Variants in FRMD3 observed in about 807,000 individuals in gnomAD.
FRMD3 encodes the protein FERM domain-containing protein 3.
Under a neutral mutation model 70.2 loss-of-function variants are expected in FRMD3, and 33 were observed. The ratio of observed to expected loss-of-function variants is 0.47; its 90% CI spans 0.36 to 0.63. The LOEUF (loss-of-function observed/expected upper bound fraction) is 0.63. Among genes scored for constraint, FRMD3 ranks in the 20% least tolerant of loss-of-function variants. The probability of loss-of-function intolerance (pLI) is 0.00; values close to 1 mark genes in which losing one functional copy is unlikely to be tolerated. For synonymous variants in FRMD3, 279 were observed against 255.9 expected, an observed-to-expected ratio of 1.09 and a Z score of -0.86; for missense variants, 632 against 711.4, an observed-to-expected ratio of 0.89 and a Z score of 1.27.
the FRMD3 span, among the ~76,000 whole-genome samples, chr9:83,548,788 T>C: frequency 6.6e-6 from 1 of 152,108 alleles, no homozygotes; most frequent in Admixed American, 6.6e-5. Context: ...ACCACACTAA[T>C]GCAAGGTGTT....
chr9:83,342,856 C>T (rs528766173), intron 5 of FRMD3, among the ~76,000 whole-genome samples: 1 of 152,310 alleles, frequency 6.6e-6, no homozygotes, highest in Admixed American at 6.5e-5. Context: ...GAACTGAGAA[C>T]ATACAATACC....
chr9:83,581,656 T>C, the FRMD3 span, among the ~76,000 whole-genome samples: 1 of 152,306 alleles, frequency 6.6e-6, no homozygotes, highest in Non-Finnish European at 1.5e-5. Context: ...AAAATTTGTA[T>C]ACAAATGTTC....
intron 1 of FRMD3, among the ~76,000 whole-genome samples, chr9:83,499,330 T>G (rs1031153160): frequency 7.2e-5 from 11 of 152,070 alleles, no homozygotes; most frequent in African/African-American, 2.4e-4. Flanking sequence ...GGAGAGGCTG[T>G]AGAAAAAAGA....
rs139571804 is a variant in FRMD3 at position 83,364,819 on chromosome 9, G to A, written c.295+8094C>T. 5.8e-4 allele frequency among the ~76,000 whole-genome samples: 88 copies of A among 152,112 alleles called. 2 individuals carry two copies. In the East Asian group the frequency reaches 0.015, roughly 26 times the overall value. On this transcript the variant is annotated intron_variant, in intron 3 of 13. Coordinates refer to ENST00000304195, the MANE Select transcript of FRMD3 (RefSeq NM_174938.6). The stretch of plus-strand genomic sequence containing the variant: ...GTGAGCGATGTCCTTTTTCCCATCC[G>A]CCAACAAGTGGAAAGAAAACAATCC...
intron 3 of FRMD3, among the ~76,000 whole-genome samples, chr9:83,368,377 G>GCTGGA (rs537540523): frequency 3.7e-4 from 56 of 151,680 alleles, no homozygotes; most frequent in Non-Finnish European, 7.2e-4. Flanking sequence ...TGTCACCCAG[G>GCTGGA]CTGGACTGCA....
intron 4 of FRMD3, 28 bp downstream of exon 4, chr9:83,349,651 G>A (rs759372027): frequency 3.5e-5 from 54 of 1,542,716 alleles, no homozygotes; most frequent in Admixed American, 1.2e-4. Context: ...AAAGGTGCAC[G>A]TTAAACATAC....
chr9:83,381,092 T>C (rs1250548412), intron 2 of FRMD3, among the ~76,000 whole-genome samples: 1 of 152,190 alleles, frequency 6.6e-6, no homozygotes, highest in South Asian at 2.1e-4. Context: ...TGTAGCCTTA[T>C]CAGTGTTCCA....
chr9:83,428,985 T>C (rs1439923380), intron 1 of FRMD3, among the ~76,000 whole-genome samples: 2 of 152,106 alleles, frequency 1.3e-5, no homozygotes, highest in African/African-American at 4.8e-5. Context: ...ACAACTCATA[T>C]GTAATAGCAA....
Position 83,246,498 on chromosome 9 carries a change from T to A in FRMD3, c.*1420A>T. 2 of 985,278 alleles carry A rather than the reference T, an allele frequency of 2.0e-6. No homozygotes were observed. Among genetic ancestry groups the A allele is most frequent in the Non-Finnish European group, 2.4e-6 (2 of 829,914 alleles). 61.0% of individuals were successfully genotyped at this position (985,278 alleles called of 1,614,324 possible). On this transcript the variant is annotated 3_prime_UTR_variant, in exon 14 of 14. Coordinates refer to ENST00000304195, the MANE Select transcript of FRMD3 (RefSeq NM_174938.6). ...TCTGGTTAGGGTCATGTCACTACTTTACCCAGGCTGAACTGGTATGTCATC... is the reference window on the plus strand; with the variant it reads ...TCTGGTTAGGGTCATGTCACTACTTAACCCAGGCTGAACTGGTATGTCATC...
intron 13 of FRMD3, among the ~76,000 whole-genome samples, chr9:83,284,061 A>ATTTTTTTTTTTTTTTTTTTTTTTTTT (rs71365307): frequency 2.9e-5 from 3 of 101,706 alleles, no homozygotes; most frequent in East Asian, 2.6e-4. Flanking sequence ...CTAGGATGTT[A>ATTTTTTTTTTTTTTTTTTTTTTTTTT]TTTTTTTTTT....
chr9:83,245,398 G>A lies in FRMD3; in HGVS notation c.*2520C>T, dbSNP rs190431673. ...GCTCTGATTCTATGCCGAGCAAATG[G>A]CATTTCAAGATTCCAGTTTAACTTT... On this transcript the variant is annotated 3_prime_UTR_variant, in exon 14 of 14. Transcript: ENST00000304195. 1,199 of 985,294 alleles carry A rather than the reference G, an allele frequency of 1.2e-3. 8 individuals are homozygous for A. In the African/African-American group the frequency reaches 0.019, roughly 16 times the overall value. The allele number at this position is 985,294 out of a possible 1,614,324, so 61.0% of individuals were successfully genotyped here.
intron 3 of FRMD3, among the ~76,000 whole-genome samples, chr9:83,360,715 G>C (rs560958462): frequency 3.3e-5 from 5 of 152,238 alleles, no homozygotes; most frequent in African/African-American, 1.2e-4. Flanking sequence ...ACACACTACT[G>C]CACCCAATCA....
chr9:83,470,948 T>C (rs1163962991), intron 1 of FRMD3, among the ~76,000 whole-genome samples: 1 of 152,248 alleles, frequency 6.6e-6, no homozygotes, highest in Non-Finnish European at 1.5e-5. Context: ...TTTCTAAATC[T>C]TTAAAACTAA....
chr9:83,359,405 C>T lies in FRMD3; in HGVS notation c.296-9648G>A, dbSNP rs375537421. The stretch of plus-strand genomic sequence containing the variant: ...AGTTTGTCATTTGAACAAATTGCTG[C>T]GTCCAAACTTAAAACTCCCTGCCTC... On this transcript the variant is annotated intron_variant, in intron 3 of 13. Transcript: ENST00000304195. Among the ~76,000 whole-genome samples the T allele has an allele frequency of 1.8e-4, 28 of 152,288 alleles. 1 individual carries two copies. Among genetic ancestry groups the T allele is most frequent in the African/African-American group, 5.5e-4 (23 of 41,574 alleles).
intron 1 of FRMD3, among the ~76,000 whole-genome samples, chr9:83,412,533 T>C (rs1384216129): frequency 1.3e-5 from 2 of 152,322 alleles, no homozygotes; most frequent in African/African-American, 2.4e-5. Context: ...TTAATTAACA[T>C]AACTTTTGGA....
In FRMD3 at chr9:83,290,731, A is replaced by T; in HGVS notation, c.1071-4T>A. 7 of 1,603,192 alleles carry T rather than the reference A, an allele frequency of 4.4e-6. No homozygotes were observed. The highest frequency in any genetic ancestry group is 6.0e-6 in the Non-Finnish European group (7 of 1,173,852). On this transcript the variant is annotated splice_polypyrimidine_tract_variant and splice_region_variant and intron_variant, in intron 12 of 13. Coordinates refer to ENST00000304195, the MANE Select transcript of FRMD3 (RefSeq NM_174938.6). ...GCGGCTCTGAGTAATGTTGGCTCTG[A>T]AAACAGACACAAGCCAGACAGAGTT...
Position 83,329,090 on chromosome 9 carries a change from G to A in FRMD3, c.596+6426C>T, listed in dbSNP as rs76448761. ...CCTGTATAAAAAACATGAATGGCTTGGACATGCACACCACTTGCCCCAGCC... is the reference window on the plus strand; with the variant it reads ...CCTGTATAAAAAACATGAATGGCTTAGACATGCACACCACTTGCCCCAGCC... On this transcript the variant is annotated intron_variant, in intron 6 of 13. Coordinates refer to ENST00000304195, the MANE Select transcript of FRMD3 (RefSeq NM_174938.6). Among the ~76,000 whole-genome samples, 442 of 152,204 alleles carry A rather than the reference G, an allele frequency of 2.9e-3. 2 individuals are homozygous for A. Among genetic ancestry groups the A allele is most frequent in the African/African-American group, 0.01 (428 of 41,526 alleles).
rs112673744 is a variant in FRMD3 at position 83,402,058 on chromosome 9, G to A, written c.148-12350C>T. 7.1e-3 allele frequency among the ~76,000 whole-genome samples: 1,074 copies of A among 151,804 alleles called. 8 individuals are homozygous for A. Among genetic ancestry groups the A allele is most frequent in the African/African-American group, 0.025 (1,027 of 41,338 alleles). On this transcript the variant is annotated intron_variant, in intron 1 of 13. Transcript: ENST00000304195. ...TCTATAATAAATCTTAAACTATTAT[G>A]TGCATTTTAAGGCATTCCATGAGTT... is the stretch of plus-strand genomic sequence containing the variant.
intron 13 of FRMD3, among the ~76,000 whole-genome samples, chr9:83,259,038 G>A (rs1832858268): frequency 6.6e-6 from 1 of 152,172 alleles, no homozygotes; most frequent in Admixed American, 6.6e-5. Context: ...GGAGGAAGGT[G>A]TTTTAGAACA....
Sources: gnomAD v4.1 joint callset for allele counts (sites outside exome capture counted in the v4.1 genomes callset) on GRCh38, gnomAD v4.1.1 for gene constraint, MANE v1.5 for transcripts, NCBI Gene and HGNC (gene_info 2026-07-23, HGNC 2026-07-21) for gene names.